Variants in IDE observed in about 807,000 individuals in gnomAD.
The protein encoded by IDE is insulin-degrading enzyme.
Under a neutral mutation model 133.2 loss-of-function variants are expected in IDE, and 58 were observed. The observed-to-expected ratio is 0.44, with a 90% CI of 0.35 to 0.54. The LOEUF is 0.54. Ranked by LOEUF, IDE falls within the 20% of genes least tolerant of loss-of-function variation. IDE has a pLI of 0.00. For missense variants in IDE, 981 were observed against 1,234.0 expected (o/e 0.79, Z 3.07); for synonymous variants, 396 against 421.3 (o/e 0.94, Z 0.73).
Position 92,466,629 on chromosome 10 carries a change from T to A in IDE, c.2321-786A>T, listed in dbSNP as rs560008561. 1.7e-3 allele frequency among the ~76,000 whole-genome samples: 248 copies of A among 149,838 alleles called. 4 individuals carry two copies. Among genetic ancestry groups the A allele is most frequent in the Non-Finnish European group, 4.2e-4 (28 of 67,394 alleles). ...ACCACGCCTGGCCCTTTTCTTTTTTTTTTTTTGAGACGGAGTCTGGCTCTG... is the reference window on the plus strand; with the variant it reads ...ACCACGCCTGGCCCTTTTCTTTTTTATTTTTTGAGACGGAGTCTGGCTCTG... On this transcript the variant is annotated intron_variant, in intron 19 of 24. Transcript: ENST00000265986.
At chr10:92,539,227 T>A (rs777696999) in intron 1 of IDE, among the ~76,000 whole-genome samples, 5 of 151,956 alleles carry the variant, frequency 3.3e-5, no homozygotes, top group Non-Finnish European at 7.4e-5. Flanking sequence ...ACAGTGCTGA[T>A]AGATCTTCTT....
chr10:92,537,619 T>G, intron 1 of IDE, 69 bp from the exon 2 acceptor site: 1 of 1,111,962 alleles, frequency 9.0e-7, no homozygotes, highest in Non-Finnish European at 1.3e-6. Flanking sequence ...TAACGTCAAG[T>G]AAACCCATAT....
At chr10:92,540,995 C>T (rs920522857) in intron 1 of IDE, among the ~76,000 whole-genome samples, 5 of 152,144 alleles carry the variant, frequency 3.3e-5, no homozygotes, top group South Asian at 4.2e-4. Flanking sequence ...CTTATTTGGA[C>T]GCTGAAGTTG....
Position 92,458,626 on chromosome 10 carries a change from T to C in IDE, c.2824-2195A>G, listed in dbSNP as rs535398998. 8.8e-4 allele frequency among the ~76,000 whole-genome samples: 131 copies of C among 149,134 alleles called. 1 individual carries two copies. Among genetic ancestry groups the C allele is most frequent in the Middle Eastern group, 3.4e-3 (1 of 292 alleles). On this transcript the variant is annotated intron_variant, in intron 22 of 24. Transcript: ENST00000265986. ...AAGTGATTCTCCTGCCTCAGCCTCC[T>C]GAGTAGCTGGGATTACAGGCGTGCA...
At chr10:92,469,036 A>C (rs771458777) in intron 18 of IDE, 46 bp from the exon 19 acceptor site, 33 of 1,062,372 alleles carry the variant, frequency 3.1e-5, no homozygotes, top group Middle Eastern at 2.0e-4. Context: ...ACATAAACAT[A>C]TCTTGTTTGT....
chr10:92,470,213 G>T, intron 18 of IDE, 41 bp downstream of exon 18: 1 of 1,309,772 alleles, frequency 7.6e-7, no homozygotes, highest in Non-Finnish European at 1.1e-6. Flanking sequence ...AAAATATCTT[G>T]CAATGATCCA....
intron 5 of IDE, among the ~76,000 whole-genome samples, chr10:92,513,947 A>T (rs898761435): frequency 3.3e-5 from 5 of 152,168 alleles, no homozygotes. Context: ...AAAAGCAGGT[A>T]AGATGGAAAG....
intron 1 of IDE, among the ~76,000 whole-genome samples, chr10:92,570,973 T>C (rs963240241): frequency 1.3e-5 from 2 of 151,110 alleles, no homozygotes; most frequent in African/African-American, 4.9e-5. Flanking sequence ...GGGGAGACTG[T>C]CCCCAACCCT....
At chr10:92,524,532 A>T (rs1258704046) in intron 4 of IDE, among the ~76,000 whole-genome samples, 2 of 84,234 alleles carry the variant, frequency 2.4e-5, no homozygotes, top group African/African-American at 4.6e-5. Context: ...TTATATTATA[A>T]TATATTTTAT....
At chr10:92,464,064 C>A in intron 20 of IDE, 61 bp from the exon 21 acceptor site, 2 of 1,499,692 alleles carry the variant, frequency 1.3e-6, no homozygotes, top group South Asian at 2.5e-5. Context: ...CATTTTTAAT[C>A]CTTCAAAAAC....
chr10:92,541,178 C>A, intron 1 of IDE: 1 of 277,628 alleles, frequency 3.6e-6, no homozygotes, highest in Non-Finnish European at 7.6e-6. Context: ...AAGTAAAACC[C>A]AAAAGAAATA....
intron 4 of IDE, among the ~76,000 whole-genome samples, chr10:92,520,664 G>C (rs965064908): frequency 1.8e-4 from 28 of 152,166 alleles, no homozygotes; most frequent in Non-Finnish European, 2.6e-4. Flanking sequence ...AAAGCCTTTT[G>C]ATATATGTGA....
chr10:92,476,906 G>A (rs986533783), intron 15 of IDE, among the ~76,000 whole-genome samples: 1 of 152,142 alleles, frequency 6.6e-6, no homozygotes, highest in Non-Finnish European at 1.5e-5. Flanking sequence ...AGCTGAGATG[G>A]AAGGCTTGCT....
intron 4 of IDE, among the ~76,000 whole-genome samples, chr10:92,530,222 G>A (rs571450779): frequency 6.7e-5 from 10 of 148,378 alleles, no homozygotes; most frequent in Admixed American, 2.1e-4. Flanking sequence ...GCCAGACTCC[G>A]TCTCAATAAA....
chr10:92,506,769 A>G (rs945421108), intron 9 of IDE, among the ~76,000 whole-genome samples: 6 of 152,340 alleles, frequency 3.9e-5, no homozygotes, highest in Middle Eastern at 6.8e-3. Flanking sequence ...ACAACTTTCA[A>G]TGAAAATAAC....
chr10:92,458,851 T>G (rs945204852), intron 22 of IDE, among the ~76,000 whole-genome samples: 3 of 152,012 alleles, frequency 2.0e-5, no homozygotes, highest in African/African-American at 7.2e-5. Context: ...AGGTTGGTCT[T>G]GAACTCCTGG....
intron 11 of IDE, among the ~76,000 whole-genome samples, chr10:92,501,786 TCA>T (rs890712700): frequency 6.6e-6 from 1 of 151,336 alleles, no homozygotes; most frequent in African/African-American, 2.4e-5. Context: ...ACCAGCCTGG[TCA>T]ACATGGTGAA....
At chr10:92,550,163 T>C (rs1314775751) in intron 1 of IDE, among the ~76,000 whole-genome samples, 2 of 151,612 alleles carry the variant, frequency 1.3e-5, no homozygotes, top group Non-Finnish European at 2.9e-5. Context: ...AAAAACTAAG[T>C]AAATAAGTAA....
At chr10:92,561,729 T>G (rs887983629) in intron 1 of IDE, among the ~76,000 whole-genome samples, 4 of 151,676 alleles carry the variant, frequency 2.6e-5, no homozygotes, top group African/African-American at 9.7e-5. Context: ...GCCACTGCAC[T>G]CCAGCCTGGG....
Sources: gnomAD v4.1 joint callset for allele counts (sites outside exome capture counted in the v4.1 genomes callset) on GRCh38, gnomAD v4.1.1 for gene constraint, MANE v1.5 for transcripts, NCBI Gene and HGNC (gene_info 2026-07-23, HGNC 2026-07-21) for gene names.